Variants in FOXP1 observed in about 807,000 individuals in gnomAD.
FOXP1 encodes forkhead box P1, also known as forkhead box protein P1.
A neutral mutation model predicts 98.2 loss-of-function variants in FOXP1; 15 were observed. The observed-to-expected ratio is 0.15, with a 90% CI of 0.10 to 0.24. The LOEUF (loss-of-function observed/expected upper bound fraction) is 0.24. FOXP1 is among the 10% of genes least tolerant of loss of function. The probability of loss-of-function intolerance (pLI) is 1.00; values close to 1 mark genes in which losing one functional copy is unlikely to be tolerated. For missense variants in FOXP1, 633 were observed against 848.5 expected, an observed-to-expected ratio of 0.75 and a Z score of 3.15; for synonymous variants, 371 against 314.5, an observed-to-expected ratio of 1.18 and a Z score of -1.90.
chr3:71,220,080 G>A (rs1474237099), intron 5 of FOXP1, among the ~76,000 whole-genome samples: 5 of 152,310 alleles, frequency 3.3e-5, no homozygotes, highest in Non-Finnish European at 2.9e-5. Flanking sequence ...AGATCTGGAA[G>A]AGCCCCATCA....
intron 6 of FOXP1, among the ~76,000 whole-genome samples, chr3:71,114,979 T>C (rs1302323958): frequency 6.6e-6 from 1 of 152,186 alleles, no homozygotes; most frequent in Non-Finnish European, 1.5e-5. Flanking sequence ...AAGCCTCTTC[T>C]CCTACTATAT....
chr3:71,458,181 C>T (rs1465840521), intron 3 of FOXP1, among the ~76,000 whole-genome samples: 1 of 152,150 alleles, frequency 6.6e-6, no homozygotes. Context: ...ATATAATACT[C>T]CAACAATCAA....
chr3:71,026,758 T>C (rs961515768), intron 11 of FOXP1, among the ~76,000 whole-genome samples: 10 of 152,194 alleles, frequency 6.6e-5, no homozygotes, highest in African/African-American at 2.2e-4. Flanking sequence ...AAATGTGCCA[T>C]CTTGATTCCC....
chr3:71,110,662 T>C (rs889438430), intron 7 of FOXP1, among the ~76,000 whole-genome samples: 3 of 152,226 alleles, frequency 2.0e-5, no homozygotes, highest in Non-Finnish European at 2.9e-5. Flanking sequence ...GAATCTGCAA[T>C]GTGGCCTCCG....
chr3:71,358,000 C>T (rs1165652397), intron 4 of FOXP1, among the ~76,000 whole-genome samples: 1 of 152,090 alleles, frequency 6.6e-6, no homozygotes, highest in Admixed American at 6.5e-5. Context: ...GATTAACCCT[C>T]TATTCCCAAA....
intron 7 of FOXP1, among the ~76,000 whole-genome samples, chr3:71,066,603 A>G (rs961810527): frequency 3.3e-5 from 5 of 152,242 alleles, no homozygotes; most frequent in African/African-American, 1.2e-4. Context: ...GGAAATACAA[A>G]TAAAGGAAGT....
At chr3:71,267,189 A>T (rs1440448324) in intron 5 of FOXP1, among the ~76,000 whole-genome samples, 1 of 151,774 alleles carries the variant, frequency 6.6e-6, no homozygotes, top group Non-Finnish European at 1.5e-5. Context: ...AACATTGAGA[A>T]TATACCATAA....
intron 19 of FOXP1, among the ~76,000 whole-genome samples, chr3:70,967,687 G>GTTTTTTT (rs67711426): frequency 5.2e-4 from 32 of 61,344 alleles, no homozygotes; most frequent in Non-Finnish European, 6.9e-4. Flanking sequence ...ACTATTATTT[G>GTTTTTTT]TTTTTTTTTT....
chr3:71,556,019 G>T (rs182042411), intron 2 of FOXP1, among the ~76,000 whole-genome samples: 2 of 151,998 alleles, frequency 1.3e-5, no homozygotes, highest in Non-Finnish European at 2.9e-5. Flanking sequence ...CTGTCTTACA[G>T]AATGTTATAA....
chr3:71,119,005 G>T (rs1575812633), intron 6 of FOXP1, among the ~76,000 whole-genome samples: 1 of 152,120 alleles, frequency 6.6e-6, no homozygotes, highest in Non-Finnish European at 1.5e-5. Flanking sequence ...TGTAGTCTGA[G>T]ATCCCCAAAG....
At chr3:71,353,712 T>C (rs1057037504) in intron 4 of FOXP1, among the ~76,000 whole-genome samples, 3 of 152,188 alleles carry the variant, frequency 2.0e-5, no homozygotes, top group South Asian at 2.1e-4. Context: ...TATGATTTCA[T>C]AGATTTCATT....
In FOXP1 at chr3:71,409,111, T is replaced by C. The variant is rs58706322; in HGVS notation, c.-167-49867A>G. ...CACTGCAGGGCCTTTGCACTTGCTG[T>C]TCTCATTCAGGAATGGTCTTCCCTC... is the stretch of plus-strand genomic sequence containing the variant. On this transcript the variant is annotated intron_variant, in intron 3 of 20. Coordinates refer to ENST00000649528, the MANE Select transcript of FOXP1 (RefSeq NM_001349338.3). 3.3e-3 allele frequency among the ~76,000 whole-genome samples: 502 copies of C among 152,302 alleles called. 3 individuals are homozygous for C. The highest frequency in any genetic ancestry group is 0.012 in the African/African-American group (490 of 41,576).
chr3:71,271,401 T>A (rs2070333783), intron 5 of FOXP1, among the ~76,000 whole-genome samples: 1 of 152,194 alleles, frequency 6.6e-6, no homozygotes, highest in Non-Finnish European at 1.5e-5. Flanking sequence ...AAAGAAAGAA[T>A]TGCTGCCCAC....
intron 6 of FOXP1, among the ~76,000 whole-genome samples, chr3:71,128,517 A>G (rs1280603865): frequency 6.6e-6 from 1 of 152,162 alleles, no homozygotes; most frequent in Non-Finnish European, 1.5e-5. Flanking sequence ...ATCTTTAAAG[A>G]GAGGGGCAAA....
intron 4 of FOXP1, among the ~76,000 whole-genome samples, chr3:71,328,168 G>GC (rs1285053289): frequency 6.6e-6 from 1 of 152,192 alleles, no homozygotes; most frequent in African/African-American, 2.4e-5. Context: ...GGGCACTCAT[G>GC]CCTGTAATCT....
intron 5 of FOXP1, among the ~76,000 whole-genome samples, chr3:71,216,453 T>G (rs1415691555): frequency 6.6e-6 from 1 of 152,132 alleles, no homozygotes; most frequent in African/African-American, 2.4e-5. Flanking sequence ...AATGGTTGAT[T>G]TGAATGGGCT....
At chr3:71,511,496 T>A (rs1005324255) in intron 2 of FOXP1, among the ~76,000 whole-genome samples, 130 of 133,856 alleles carry the variant, frequency 9.7e-4, no homozygotes, top group Admixed American at 1.3e-3. Flanking sequence ...GTAGAATTAA[T>A]AAAAAAAAAA....
intron 2 of FOXP1, among the ~76,000 whole-genome samples, chr3:71,531,604 C>G (rs2043856063): frequency 6.6e-6 from 1 of 152,214 alleles, no homozygotes; most frequent in Admixed American, 6.5e-5. Flanking sequence ...AGCCAATGTT[C>G]TCATGACCAT....
intron 7 of FOXP1, among the ~76,000 whole-genome samples, chr3:71,099,912 G>A (rs754323918): frequency 3.3e-5 from 5 of 152,178 alleles, no homozygotes; most frequent in African/African-American, 9.7e-5. Flanking sequence ...AAGAGACATG[G>A]TTTTAGGATA....
Sources: gnomAD v4.1 joint callset for allele counts (sites outside exome capture counted in the v4.1 genomes callset) on GRCh38, gnomAD v4.1.1 for gene constraint, MANE v1.5 for transcripts, NCBI Gene and HGNC (gene_info 2026-07-23, HGNC 2026-07-21) for gene names.